The following PTPRF variants were observed in gnomAD, a reference collection of about 807,000 sequenced individuals.
PTPRF encodes receptor-type tyrosine-protein phosphatase F.
PTPRF carries 59 observed loss-of-function variants against 201.8 expected under a neutral mutation model. The observed-to-expected ratio is 0.29, with a 90% CI of 0.24 to 0.36. The LOEUF is 0.36. PTPRF is among the 10% of genes least tolerant of loss of function. The pLI, the probability that PTPRF is intolerant of heterozygous loss-of-function variation, is 1.00. For synonymous variants in PTPRF, 1,088 were observed against 1,089.7 expected (o/e 1.00, Z 0.03); for missense variants, 2,132 against 2,690.5 (o/e 0.79, Z 4.59).
In PTPRF at chr1:43,620,540, C is replaced by T. The variant is rs1658963623; in HGVS notation, c.5325C>T (p.Pro1775=). Residue 1775 remains proline (P), a synonymous_variant, in exon 31 of 34, where the codon CCC becomes CCT. Transcript: ENST00000359947. ...VVDPMAEYNM[P]QYILREFKVT... ...ACCCGATGGCTGAGTACAACATGCC[C>T]CAGTATATCCTGCGTGAGTTCAAGG... is the stretch of plus-strand genomic sequence containing the variant. 6.2e-7 allele frequency: 1 copy of T among 1,614,016 alleles called. No individual in the cohort carries two copies. The highest frequency in any genetic ancestry group is 8.5e-7 in the Non-Finnish European group (1 of 1,179,988).
rs936018172 is a variant in PTPRF at position 43,537,714 on chromosome 1, A to G, written c.-125-484A>G. 8.5e-5 allele frequency among the ~76,000 whole-genome samples: 13 copies of G among 152,284 alleles called. No homozygotes were observed. Among genetic ancestry groups the G allele is most frequent in the Admixed American group, 2.6e-4 (4 of 15,288 alleles). On this transcript the variant is annotated intron_variant, in intron 1 of 33. Coordinates refer to ENST00000359947, the MANE Select transcript of PTPRF (RefSeq NM_002840.5). This position sits in a 1 kb window ranked among gnomAD's most constrained non-coding sequence, Gnocchi z 4.8. ...CCGAGGGTAAGTTGGCCAGAAGAGC[A>G]TGGGTAGCCTGTGCCAGGCAGTGGC...
intron 1 of PTPRF, among the ~76,000 whole-genome samples, chr1:43,535,155 A>G (rs1414377016): frequency 1.3e-5 from 2 of 152,120 alleles, no homozygotes; most frequent in Non-Finnish European, 2.9e-5. Context: ...TGCAATTCTG[A>G]GCTGAGATTA....
chr1:43,605,193 C>T lies in PTPRF; in HGVS notation c.3139C>T (p.Leu1047=). The T allele has an allele frequency of 6.3e-6, 10 of 1,596,794 alleles. No homozygotes were observed. The highest frequency in any genetic ancestry group is 8.6e-6 in the Non-Finnish European group (10 of 1,167,210). Reference sequence around the variant, plus strand: ...TTGCCCCTCCCGTCCCCCACAGATTCTGTACAATGGGCAGAGTGTGGAGGT... The same window carrying T: ...TTGCCCCTCCCGTCCCCCACAGATTTTGTACAATGGGCAGAGTGTGGAGGT... ...SYKSAVPFKI[L]YNGQSVEVDG... is the part of the protein sequence containing the mutation. The change falls in exon 18 of 34, where the codon CTG becomes TTG. Residue 1047 remains leucine (L), a synonymous_variant. Coordinates refer to ENST00000359947, the MANE Select transcript of PTPRF (RefSeq NM_002840.5).
At chr1:43,606,789 C>T in intron 20 of PTPRF, 25 bp from the exon 21 acceptor site, 1 of 1,608,382 alleles carries the variant, frequency 6.2e-7, no homozygotes, top group Non-Finnish European at 8.5e-7. Context: ...GAGCTCACAG[C>T]CTGCTGTTCT....
chr1:43,614,812 A>C (rs1233764878), intron 23 of PTPRF, among the ~76,000 whole-genome samples: 2 of 152,138 alleles, frequency 1.3e-5, no homozygotes, highest in African/African-American at 4.8e-5. Context: ...AGGTCATGCC[A>C]TTGCGCTCCA....
At chr1:43,550,873 T>C (rs1166423726) in intron 3 of PTPRF, among the ~76,000 whole-genome samples, 1 of 151,778 alleles carries the variant, frequency 6.6e-6, no homozygotes, top group African/African-American at 2.4e-5. Flanking sequence ...TGAATGGAAG[T>C]TAGAGTGTAT....
intron 6 of PTPRF, among the ~76,000 whole-genome samples, chr1:43,573,748 G>A (rs745663468): frequency 1.3e-5 from 2 of 152,196 alleles, no homozygotes; most frequent in Non-Finnish European, 2.9e-5. Context: ...GGAAAAGTCA[G>A]ATTCTCTGTT....
chr1:43,562,852 G>T (rs1645898856), intron 5 of PTPRF, among the ~76,000 whole-genome samples: 1 of 152,208 alleles, frequency 6.6e-6, no homozygotes, highest in African/African-American at 2.4e-5. Context: ...TCTGGGTATG[G>T]GTAGGGGAAG....
rs186211372 is a variant in PTPRF at position 43,594,923 on chromosome 1, G to T, written c.1813+2322G>T. Among the ~76,000 whole-genome samples the T allele has an allele frequency of 4.6e-5, 7 of 152,284 alleles. No homozygotes were observed. In the East Asian group the frequency reaches 1.4e-3, roughly 29 times the overall value. ...GATGAGAGGAAATCAGGGGAGGGGAGCGACTTGGAGGTTGGAAGGAGAGAA... is the reference window on the plus strand; with the variant it reads ...GATGAGAGGAAATCAGGGGAGGGGATCGACTTGGAGGTTGGAAGGAGAGAA... On this transcript the variant is annotated intron_variant, in intron 11 of 33. Transcript: ENST00000359947.
rs992617145 is a variant in PTPRF at position 43,591,434 on chromosome 1, T to C, written c.1412T>C (p.Leu471Pro). ...AWHKHNTDAG[L>P]LTTVGSLLPG... Reference sequence around the variant, plus strand: ...CACAAGCACAACACCGACGCGGGGCTCCTCACGACCGTGGGCAGCCTGCTG... The same window carrying C: ...CACAAGCACAACACCGACGCGGGGCCCCTCACGACCGTGGGCAGCCTGCTG... Residue 471 changes from leucine to proline, a missense_variant, in exon 9 of 34, where the codon CTC becomes CCC. Leu to Pro is a moderately conservative substitution (Grantham distance 98). Around this residue, in one of 6 missense-constraint regions of PTPRF, gnomAD observed 351 missense variants for 401.7 expected, o/e 0.87. Transcript: ENST00000359947. 8 of 1,588,516 alleles carry C rather than the reference T, an allele frequency of 5.0e-6. No homozygotes were observed. Among genetic ancestry groups the C allele is most frequent in the African/African-American group, 2.7e-5 (2 of 74,600 alleles).
rs766448564 is a variant in PTPRF, at chr1:43,588,931, G to A, written c.880G>A (p.Ala294Thr). 7 of 1,604,852 alleles carry A rather than the reference G, an allele frequency of 4.4e-6. No individual in the cohort carries two copies. In the East Asian group the frequency reaches 1.1e-4, roughly 26 times the overall value. The change falls in exon 8 of 34, where the codon GCC (alanine) becomes ACC (threonine). Residue 294 changes from alanine to threonine, a missense_variant. Physicochemically the swap from Ala to Thr is moderately conservative, Grantham distance 58. Around this residue, in one of 6 missense-constraint regions of PTPRF, gnomAD observed 297 missense variants for 454.0 expected, o/e 0.65. Transcript: ENST00000359947. The surrounding 1 kb of genome is among the most constrained non-coding windows in gnomAD (Gnocchi z 5.3). ...GGAGCTCAGCAATGTCGTACGCTCT[G>A]CCAACTACACCTGTGTGGCCATCTC... ...VLELSNVVRSANYTCVAISSL... is the reference protein window; with the variant it reads ...VLELSNVVRSTNYTCVAISSL...
At chr1:43,561,934 A>G (rs1436919810) in intron 5 of PTPRF, among the ~76,000 whole-genome samples, 1 of 152,134 alleles carries the variant, frequency 6.6e-6, no homozygotes, top group Non-Finnish European at 1.5e-5. Flanking sequence ...CTATACTCAC[A>G]GGTACTTGTA....
In PTPRF at chr1:43,591,498, C is replaced by T. The variant is rs531714821; in HGVS notation, c.1476C>T (p.Thr492=). ...ACAGCCTGCGCGTGCTTGCCTTCACCGCCGTGGGCGATGGCCCTCCCAGCC... is the reference window on the plus strand; with the variant it reads ...ACAGCCTGCGCGTGCTTGCCTTCACTGCCGTGGGCGATGGCCCTCCCAGCC... ...ITYSLRVLAF[T]AVGDGPPSPT... The change falls in exon 9 of 34, where the codon ACC becomes ACT. Residue 492 remains threonine, a synonymous_variant. Transcript: ENST00000359947. The T allele has an allele frequency of 5.7e-5, 91 of 1,600,708 alleles. No individual in the cohort carries two copies. The highest frequency in any genetic ancestry group is 4.3e-4 in the East Asian group (19 of 44,556).
At chr1:43,539,448 T>A (rs994444035) in intron 2 of PTPRF, among the ~76,000 whole-genome samples, 1 of 152,204 alleles carries the variant, frequency 6.6e-6, no homozygotes, top group Non-Finnish European at 1.5e-5. Context: ...AGGCAGAGCC[T>A]GTGACTCTCT....
intron 22 of PTPRF, among the ~76,000 whole-genome samples, chr1:43,610,273 A>G (rs937379580): frequency 1.3e-5 from 2 of 152,238 alleles, no homozygotes; most frequent in African/African-American, 4.8e-5. Context: ...TGTGAAATGA[A>G]CACACAGACA....
At chr1:43,548,167 T>C (rs901598646) in intron 3 of PTPRF, among the ~76,000 whole-genome samples, 2 of 150,974 alleles carry the variant, frequency 1.3e-5, no homozygotes, top group African/African-American at 4.9e-5. Context: ...GAAGCACGAA[T>C]GTGGCTGGGC....
In PTPRF at chr1:43,602,563, C is replaced by A. The variant is rs533957687; in HGVS notation, c.2340+466C>A. Among the ~76,000 whole-genome samples, 412 of 152,268 alleles carry A rather than the reference C, an allele frequency of 2.7e-3. 3 individuals carry two copies. The highest frequency in any genetic ancestry group is 9.6e-3 in the African/African-American group (401 of 41,562). ...GGGGGTGGTGGCAGCTGCAGGGGCC[C>A]CACTCAAGGCCAGAGCTGGAGGGAT... On this transcript the variant is annotated intron_variant, in intron 14 of 33. Transcript: ENST00000359947.
chr1:43,614,196 G>A (rs1028856480), intron 23 of PTPRF, among the ~76,000 whole-genome samples: 2 of 152,202 alleles, frequency 1.3e-5, no homozygotes, highest in African/African-American at 4.8e-5. Flanking sequence ...GAGGAAGCGG[G>A]GGCTCAGAGA....
Position 43,588,133 on chromosome 1 carries a change from G to A in PTPRF, c.680-598G>A, listed in dbSNP as rs148485997. Among the ~76,000 whole-genome samples, 656 of 152,318 alleles carry A rather than the reference G, an allele frequency of 4.3e-3. 6 individuals are homozygous for A. Among genetic ancestry groups the A allele is most frequent in the African/African-American group, 0.015 (633 of 41,576 alleles). On this transcript the variant is annotated intron_variant, in intron 7 of 33. Coordinates refer to ENST00000359947, the MANE Select transcript of PTPRF (RefSeq NM_002840.5). The surrounding 1 kb of genome is among the most constrained non-coding windows in gnomAD (Gnocchi z 5.3). ...GGCAGCCCTTTTGCTTGGGTTCCCA[G>A]GTTGTGCCCTGAGCATGGCTGAGAC...
Sources: gnomAD v4.1 joint callset for allele counts (sites outside exome capture counted in the v4.1 genomes callset) on GRCh38, gnomAD v4.1.1 for gene constraint, gnomAD v4.1.1 regional missense constraint, Gnocchi (gnomAD v3.1) non-coding constraint, MANE v1.5 for transcripts, NCBI Gene and HGNC (gene_info 2026-07-23, HGNC 2026-07-21) for gene names.